The following GRIK4 variants were observed in gnomAD, a reference collection of about 807,000 sequenced individuals.
The protein encoded by GRIK4 is glutamate receptor ionotropic, kainate 4.
GRIK4 carries 40 observed loss-of-function variants against 104.9 expected under a neutral mutation model. That is an observed-to-expected ratio of 0.38 (90% CI 0.30 to 0.50). The LOEUF (loss-of-function observed/expected upper bound fraction) is 0.50, where lower values mean the gene tolerates loss of function less well. Among genes scored for constraint, GRIK4 ranks in the 20% least tolerant of loss-of-function variants. GRIK4 has a pLI of 0.93. For missense variants in GRIK4, 1,047 were observed against 1,308.1 expected (o/e 0.80, Z 3.08); for synonymous variants, 485 against 524.9 (o/e 0.92, Z 1.04).
chr11:120,773,893 T>C (rs1951991807), intron 3 of GRIK4, among the ~76,000 whole-genome samples: 1 of 152,222 alleles, frequency 6.6e-6, no homozygotes, highest in African/African-American at 2.4e-5. Flanking sequence ...GTAATGCTCC[T>C]GAAGTTTCTG....
rs1296866815 is a variant in GRIK4, at chr11:120,819,952, C to G, written c.511+32C>G. On this transcript the variant is annotated intron_variant, in intron 6 of 20. Transcript: ENST00000527524. This position sits in a 1 kb window ranked among gnomAD's most constrained non-coding sequence, Gnocchi z 4.3. ...TTCCCCAGGCTGGCTCTGCCCCAGA[C>G]AGTCCAGTCTTGTTGATTTTGCCCT... 1.2e-6 allele frequency: 2 copies of G among 1,608,278 alleles called. No individual in the cohort carries two copies. The highest frequency in any genetic ancestry group is 3.3e-5 in the Admixed American group (2 of 59,966).
intron 2 of GRIK4, among the ~76,000 whole-genome samples, chr11:120,654,599 G>A (rs1372054465): frequency 3.9e-5 from 6 of 152,082 alleles, no homozygotes; most frequent in African/African-American, 1.2e-4. Flanking sequence ...CTGACCTCAC[G>A]TGATCTGCCC....
intron 13 of GRIK4, among the ~76,000 whole-genome samples, chr11:120,911,660 G>A (rs1170069631): frequency 6.7e-6 from 1 of 149,684 alleles, no homozygotes; most frequent in African/African-American, 2.4e-5. Context: ...TGGCCAACAT[G>A]GTGAAACCCC....
At chr11:120,738,133 T>C (rs1039770632) in intron 3 of GRIK4, among the ~76,000 whole-genome samples, 3 of 152,138 alleles carry the variant, frequency 2.0e-5, no homozygotes, top group African/African-American at 7.2e-5. Flanking sequence ...AAGTGGTAGC[T>C]ATAAAGGAAC....
chr11:120,669,303 C>A (rs2135261811), intron 3 of GRIK4, among the ~76,000 whole-genome samples: 1 of 152,314 alleles, frequency 6.6e-6, no homozygotes, highest in Non-Finnish European at 1.5e-5. Flanking sequence ...GTCTTTCCTA[C>A]CCTCTTAGCC....
chr11:120,955,810 C>A (rs1051697200), intron 15 of GRIK4, among the ~76,000 whole-genome samples: 54 of 146,930 alleles, frequency 3.7e-4, no homozygotes, highest in Admixed American at 3.7e-3. Context: ...CAGCAGCATT[C>A]TTTTTTTTTT....
Position 120,609,550 on chromosome 11 carries a change from A to G in GRIK4, c.-158-44135A>G, listed in dbSNP as rs1591735901. Among the ~76,000 whole-genome samples, 4 of 58,384 alleles carry G rather than the reference A, an allele frequency of 6.9e-5. 1 individual carries two copies. The highest frequency in any genetic ancestry group is 2.8e-4 in the Admixed American group (1 of 3,550). The allele number at this position is 58,384 out of a possible 152,430, so 38.3% of individuals were successfully genotyped here. ...TTTTTTTTTTTTTTTTTTTTGAGAC[A>G]GAGTTTTGCTCTGTTGCCCAGGCTG... On this transcript the variant is annotated intron_variant, in intron 1 of 20. Coordinates refer to ENST00000527524, the MANE Select transcript of GRIK4 (RefSeq NM_014619.5).
At chr11:120,792,254 G>A (rs1045172905) in intron 3 of GRIK4, among the ~76,000 whole-genome samples, 29 of 149,048 alleles carry the variant, frequency 1.9e-4, no homozygotes, top group Admixed American at 6.0e-4. Context: ...GTGTGTGTGC[G>A]TGTGTGTGTG....
rs941750248 is a variant in GRIK4 at position 120,956,436 on chromosome 11, C to T, written c.1701-344C>T. On this transcript the variant is annotated intron_variant, in intron 15 of 20. Coordinates refer to ENST00000527524, the MANE Select transcript of GRIK4 (RefSeq NM_014619.5). This position sits in a 1 kb window ranked among gnomAD's most constrained non-coding sequence, Gnocchi z 4.6. ...CCCAGGCTGGTCTCGAATCCCTGGACTCAAGCAATCCACCCGCCTCGGCCT... is the reference window on the plus strand; with the variant it reads ...CCCAGGCTGGTCTCGAATCCCTGGATTCAAGCAATCCACCCGCCTCGGCCT... Among the ~76,000 whole-genome samples the T allele has an allele frequency of 3.3e-5, 5 of 152,044 alleles. No homozygotes were observed. The highest frequency in any genetic ancestry group is 1.2e-4 in the African/African-American group (5 of 41,396).
chr11:120,647,956 A>AGCTG (rs1008313814), intron 1 of GRIK4, among the ~76,000 whole-genome samples: 69 of 151,980 alleles, frequency 4.5e-4, no homozygotes, highest in Non-Finnish European at 4.9e-4. Flanking sequence ...AGTGCCATAG[A>AGCTG]GCTGTGAGAT....
intron 1 of GRIK4, among the ~76,000 whole-genome samples, chr11:120,572,876 C>T (rs1227688599): frequency 6.6e-6 from 1 of 152,088 alleles, no homozygotes; most frequent in Non-Finnish European, 1.5e-5. Flanking sequence ...CAACTAAGGC[C>T]ATTAAATATT....
intron 4 of GRIK4, 65 bp from the exon 5 acceptor site, chr11:120,815,313 G>A (rs1158251387): frequency 1.1e-6 from 1 of 900,638 alleles, no homozygotes; most frequent in Non-Finnish European, 1.8e-6. Flanking sequence ...AGAGGACTGG[G>A]CCATGGCGCA....
At chr11:120,563,488 T>C (rs1245560205) in intron 1 of GRIK4, among the ~76,000 whole-genome samples, 1 of 152,114 alleles carries the variant, frequency 6.6e-6, no homozygotes, top group Non-Finnish European at 1.5e-5. Context: ...TGGAGCAAAA[T>C]GTGAACTTTT....
chr11:120,709,632 A>G (rs904657980), intron 3 of GRIK4, among the ~76,000 whole-genome samples: 2 of 152,194 alleles, frequency 1.3e-5, no homozygotes, highest in Admixed American at 1.3e-4. Flanking sequence ...GTTTACTTTT[A>G]TATGACACCT....
chr11:120,609,143 T>G (rs1392161738), intron 1 of GRIK4, among the ~76,000 whole-genome samples: 1 of 152,154 alleles, frequency 6.6e-6, no homozygotes, highest in African/African-American at 2.4e-5. Flanking sequence ...GCGCCTCCCC[T>G]CCTGCTTCAG....
intron 13 of GRIK4, among the ~76,000 whole-genome samples, chr11:120,925,410 C>G (rs1591291104): frequency 1.3e-5 from 2 of 152,134 alleles, no homozygotes; most frequent in South Asian, 2.1e-4. Flanking sequence ...CCCATAGCCT[C>G]GAAATAAGTG....
chr11:120,965,937 GC>G (rs1234257782), intron 18 of GRIK4, among the ~76,000 whole-genome samples: 1 of 152,178 alleles, frequency 6.6e-6, no homozygotes, highest in East Asian at 1.9e-4. Context: ...TCCACATCCA[GC>G]CTTCATGGAG....
intron 3 of GRIK4, among the ~76,000 whole-genome samples, chr11:120,739,692 AC>A (rs1469498752): frequency 6.6e-6 from 1 of 152,226 alleles, no homozygotes; most frequent in Non-Finnish European, 1.5e-5. Flanking sequence ...GCATTGCAAT[AC>A]GGGGCACTTT....
At chr11:120,864,203 ATTTTTATT>A (rs1434309138) in intron 9 of GRIK4, among the ~76,000 whole-genome samples, 2 of 139,486 alleles carry the variant, frequency 1.4e-5, no homozygotes, top group South Asian at 2.4e-4. Flanking sequence ...CAGTATTTTT[ATTTTTATT>A]TATTTATTTA....
Sources: allele counts gnomAD v4.1 joint callset (sites outside exome capture counted in the v4.1 genomes callset), GRCh38; gene constraint gnomAD v4.1.1; non-coding constraint Gnocchi (gnomAD v3.1); transcripts MANE v1.5; gene names NCBI Gene and HGNC (gene_info 2026-07-23, HGNC 2026-07-21).